RBFOX1: variants seen among roughly 807,000 people sequenced by gnomAD.
The protein encoded by RBFOX1 is RNA binding fox-1 homolog 1.
A neutral mutation model predicts 57.7 loss-of-function variants in RBFOX1; 8 were observed. The ratio of observed to expected loss-of-function variants is 0.14; its 90% CI spans 0.08 to 0.25. The LOEUF is 0.25. Among genes scored for constraint, RBFOX1 ranks in the 10% least tolerant of loss-of-function variants. The pLI, the probability that RBFOX1 is intolerant of heterozygous loss-of-function variation, is 1.00. For synonymous variants in RBFOX1, 326 were observed against 222.4 expected (o/e 1.47, Z -4.15); for missense variants, 611 against 548.5 (o/e 1.11, Z -1.14).
chr16:7,154,241 A>C (rs1030007083), intron 4 of RBFOX1, among the ~76,000 whole-genome samples: 1 of 152,214 alleles, frequency 6.6e-6, no homozygotes, highest in Non-Finnish European at 1.5e-5. Flanking sequence ...ATCTTCATTC[A>C]GTCGGAGGAA....
At chr16:6,552,962 T>C (rs1022084684) in intron 2 of RBFOX1, among the ~76,000 whole-genome samples, 1 of 152,176 alleles carries the variant, frequency 6.6e-6, no homozygotes, top group Non-Finnish European at 1.5e-5. Context: ...TAAAAATTTT[T>C]TAAAAAGTAT....
At chr16:6,618,234 A>G (rs779578969) in intron 2 of RBFOX1, among the ~76,000 whole-genome samples, 1 of 152,162 alleles carries the variant, frequency 6.6e-6, no homozygotes, top group Non-Finnish European at 1.5e-5. Context: ...GATACTTAAC[A>G]GTTATTGAAT....
intron 4 of RBFOX1, among the ~76,000 whole-genome samples, chr16:7,294,126 G>A (rs116231109): frequency 2.0e-5 from 3 of 152,088 alleles, no homozygotes; most frequent in Non-Finnish European, 2.9e-5. Context: ...TCCAGAAGTC[G>A]AAACACAGAG....
chr16:5,458,319 G>A (rs1262123993), intron 1 of RBFOX1, among the ~76,000 whole-genome samples: 2 of 151,848 alleles, frequency 1.3e-5, no homozygotes, highest in African/African-American at 4.8e-5. Flanking sequence ...GAGCTCATGG[G>A]AATAAGAAAA....
intron 1 of RBFOX1, among the ~76,000 whole-genome samples, chr16:6,237,867 G>A (rs567003546): frequency 6.6e-6 from 1 of 152,136 alleles, no homozygotes; most frequent in South Asian, 2.1e-4. Context: ...GCCAAGGTGG[G>A]CGGGTCAGGA....
At chr16:6,010,039 A>T (rs765681317) in intron 4 of RBFOX1, among the ~76,000 whole-genome samples, 1 of 152,064 alleles carries the variant, frequency 6.6e-6, no homozygotes, top group Non-Finnish European at 1.5e-5. Flanking sequence ...TTTCTTTCTT[A>T]TCAGGCACGT....
intron 4 of RBFOX1, among the ~76,000 whole-genome samples, chr16:7,214,939 G>A (rs1363524312): frequency 6.6e-6 from 1 of 152,054 alleles, no homozygotes; most frequent in Non-Finnish European, 1.5e-5. Context: ...TACTGAATGT[G>A]CAGGTTTGTT....
intron 2 of RBFOX1, among the ~76,000 whole-genome samples, chr16:6,456,853 T>C (rs1385384289): frequency 3.9e-5 from 6 of 152,206 alleles, no homozygotes; most frequent in Admixed American, 6.5e-5. Context: ...ACCTTCTAGT[T>C]GGATTCATGT....
Position 7,683,563 on chromosome 16 carries a change from G to C in RBFOX1, c.995+6725G>C, listed in dbSNP as rs1343374290. ...GAATTTCCAAGCCCAACAGACCGTAGCTGTCACAGCCACGTGGGTAGACAC... is the reference window on the plus strand; with the variant it reads ...GAATTTCCAAGCCCAACAGACCGTACCTGTCACAGCCACGTGGGTAGACAC... On this transcript the variant is annotated intron_variant, in intron 14 of 15. Coordinates refer to ENST00000550418, the MANE Select transcript of RBFOX1 (RefSeq NM_018723.4). Among the ~76,000 whole-genome samples the C allele has an allele frequency of 2.0e-5, 3 of 152,116 alleles. No homozygotes were observed. In the East Asian group the frequency reaches 5.8e-4, roughly 29 times the overall value.
At chr16:6,769,417 A>G (rs1399434816) in intron 3 of RBFOX1, among the ~76,000 whole-genome samples, 1 of 152,242 alleles carries the variant, frequency 6.6e-6, no homozygotes, top group African/African-American at 2.4e-5. Flanking sequence ...ATACAGCAGT[A>G]CATCAGGAAT....
intron 3 of RBFOX1, among the ~76,000 whole-genome samples, chr16:6,718,026 A>G (rs1221498009): frequency 6.6e-6 from 1 of 152,162 alleles, no homozygotes; most frequent in African/African-American, 2.4e-5. Flanking sequence ...CACCACCATC[A>G]TCACTGGTGT....
At chr16:7,263,887 C>G (rs888804142) in intron 4 of RBFOX1, among the ~76,000 whole-genome samples, 1 of 131,902 alleles carries the variant, frequency 7.6e-6, no homozygotes, top group Non-Finnish European at 1.6e-5. Context: ...GCAACAAGAG[C>G]AAAACTCAGT....
chr16:5,452,145 G>C, intron 1 of RBFOX1, among the ~76,000 whole-genome samples: 1 of 130,848 alleles, frequency 7.6e-6, no homozygotes, highest in South Asian at 2.5e-4. Flanking sequence ...TTGAGACAGA[G>C]TCTTGCTCTG....
chr16:6,846,756 T>C (rs1308874867), intron 3 of RBFOX1, among the ~76,000 whole-genome samples: 1 of 152,162 alleles, frequency 6.6e-6, no homozygotes, highest in Non-Finnish European at 1.5e-5. Context: ...AATTAGGTCA[T>C]TTGTCTTTGA....
At chr16:6,130,207 C>T (rs1396087632) in intron 1 of RBFOX1, among the ~76,000 whole-genome samples, 1 of 151,964 alleles carries the variant, frequency 6.6e-6, no homozygotes, top group Admixed American at 6.6e-5. Context: ...CAGTTTTATT[C>T]TTGGGTTTGT....
intron 4 of RBFOX1, among the ~76,000 whole-genome samples, chr16:5,871,745 T>C (rs1263420541): frequency 6.6e-6 from 1 of 152,204 alleles, no homozygotes; most frequent in East Asian, 1.9e-4. Context: ...AAAATTCATT[T>C]CATTTCACTT....
At chr16:7,097,596 A>G (rs1452091640) in intron 4 of RBFOX1, among the ~76,000 whole-genome samples, 1 of 152,184 alleles carries the variant, frequency 6.6e-6, no homozygotes, top group East Asian at 1.9e-4. Context: ...AATTCCATCC[A>G]ATTAGATGCT....
chr16:6,665,667 A>C (rs2098727963), intron 3 of RBFOX1, among the ~76,000 whole-genome samples: 2 of 151,892 alleles, frequency 1.3e-5, no homozygotes, highest in Non-Finnish European at 2.9e-5. Flanking sequence ...CACCTAATGA[A>C]ACCTTGACTG....
rs747584717 is a variant in RBFOX1 at position 5,367,077 on chromosome 16, T to C, written c.220-100139T>C. ...TAGGTGGTTTTCTCAATTTTTAAAA[T>C]TTATTTTGCATGTCAGAAATGCATT... On this transcript the variant is annotated intron_variant, in intron 1 of 2. Coordinates refer to the RBFOX1 transcript ENST00000585867. Among the ~76,000 whole-genome samples, 10 of 152,206 alleles carry C rather than the reference T, an allele frequency of 6.6e-5. No homozygotes were observed. The South Asian group carries it at 1.9e-3, about 28-fold the overall frequency.
Sources: gnomAD v4.1 joint callset for allele counts (sites outside exome capture counted in the v4.1 genomes callset) on GRCh38, gnomAD v4.1.1 for gene constraint, MANE v1.5 for transcripts, NCBI Gene and HGNC (gene_info 2026-07-23, HGNC 2026-07-21) for gene names.